The following RHD variants were observed in gnomAD, a reference collection of about 807,000 sequenced individuals.
RHD encodes blood group Rh(D) polypeptide.
RHD carries 16 observed loss-of-function variants against 45.5 expected under a neutral mutation model. That is an observed-to-expected ratio of 0.35 (90% CI 0.24 to 0.53). The LOEUF is 0.53. RHD is among the 20% of genes least tolerant of loss of function. The pLI, the probability that RHD is intolerant of heterozygous loss-of-function variation, is 0.92. For missense variants in RHD, 306 were observed against 532.0 expected, an observed-to-expected ratio of 0.58 and a Z score of 4.18; for synonymous variants, 131 against 217.5, an observed-to-expected ratio of 0.60 and a Z score of 3.50.
intron 3 of RHD, among the ~76,000 whole-genome samples, chr1:25,298,311 A>G (rs1386094948): frequency 3.3e-5 from 4 of 122,744 alleles, no homozygotes; most frequent in African/African-American, 1.1e-4. Context: ...CTTCATAACG[A>G]TTGCTTTAAA....
chr1:25,316,543 C>T (rs1209960814), intron 7 of RHD, among the ~76,000 whole-genome samples: 1 of 98,190 alleles, frequency 1.0e-5, no homozygotes, highest in African/African-American at 3.3e-5. Flanking sequence ...ACCTGGGGGA[C>T]AGAGGTTGCA....
intron 1 of RHD, among the ~76,000 whole-genome samples, chr1:25,277,416 T>G (rs1641104163): frequency 7.5e-6 from 1 of 133,306 alleles, no homozygotes; most frequent in Admixed American, 7.2e-5. Context: ...CCAGACCTAC[T>G]GATCAGAAGC....
chr1:25,311,574 CCAGAGGCTGTTCATCAGG>C lies in RHD; in HGVS notation c.1073+4846_1073+4863del, dbSNP rs571432820. On this transcript the variant is annotated intron_variant, in intron 7 of 9. Transcript: ENST00000328664. ...GAAAATTAGTACACATAGAACAAAG[CCAGAGGCTGTTCATCAGG>C]ACAAGGGAGAAAAACTCCAAAGCCA... 1.2e-3 allele frequency among the ~76,000 whole-genome samples: 162 copies of C among 130,206 alleles called. 23 individuals are homozygous for C. In the South Asian group the frequency reaches 0.036, roughly 29 times the overall value. 85.4% of individuals were successfully genotyped at this position (130,206 alleles called of 152,430 possible).
chr1:25,287,889 AT>A (rs1642180502), intron 2 of RHD, among the ~76,000 whole-genome samples: 1 of 126,228 alleles, frequency 7.9e-6, no homozygotes, highest in South Asian at 2.5e-4. Flanking sequence ...TGCCCTGCTA[AT>A]TTTTGTATTT....
intron 7 of RHD, among the ~76,000 whole-genome samples, chr1:25,312,058 G>A (rs1386570853): frequency 9.4e-6 from 1 of 106,612 alleles, no homozygotes; most frequent in East Asian, 2.1e-4. Flanking sequence ...CCTGTGCGAA[G>A]TGCAACATGG....
At position 25,313,916 on chromosome 1, in the gene RHD, T is replaced by C. The variant is rs933084847; in HGVS notation, c.1074-3084T>C. ...ATGCCAGATAGGCAAATAGAGAATC[T>C]AAGAAAAGATAGTTGGAACAAGTGT... is the stretch of plus-strand genomic sequence containing the variant. On this transcript the variant is annotated intron_variant, in intron 7 of 9. Coordinates refer to ENST00000328664, the MANE Select transcript of RHD (RefSeq NM_016124.6). Among the ~76,000 whole-genome samples the C allele has an allele frequency of 1.5e-5, 2 of 132,964 alleles. 1 individual carries two copies. Among genetic ancestry groups the C allele is most frequent in the Non-Finnish European group, 3.6e-5 (2 of 56,064 alleles). 87.2% of individuals were successfully genotyped at this position (132,964 alleles called of 152,430 possible).
At chr1:25,275,672 A>G (rs1214298579) in intron 1 of RHD, among the ~76,000 whole-genome samples, 4 of 133,622 alleles carry the variant, frequency 3.0e-5, no homozygotes, top group African/African-American at 5.1e-5. Flanking sequence ...AAAGAGATCA[A>G]AATGAAATAT....
chr1:25,315,498 TTTC>T (rs1224136605), intron 7 of RHD, among the ~76,000 whole-genome samples: 2 of 121,746 alleles, frequency 1.6e-5, no homozygotes, highest in African/African-American at 6.1e-5. Flanking sequence ...CTTTTCTTTC[TTTC>T]TTTTTTTTTT....
intron 3 of RHD, 40 bp from the exon 4 acceptor site, chr1:25,300,906 G>T: frequency 1.5e-6 from 2 of 1,369,450 alleles, no homozygotes; most frequent in South Asian, 2.4e-5. Flanking sequence ...CCCGGGCAGA[G>T]GATGCCGACA....
At chr1:25,300,910 G>A in intron 3 of RHD, 36 bp from the exon 4 acceptor site, 1 of 1,369,984 alleles carries the variant, frequency 7.3e-7, no homozygotes, top group Non-Finnish European at 1.0e-6. Flanking sequence ...GGCAGAGGAT[G>A]CCGACACTCA....
In RHD at chr1:25,300,972, C is replaced by T. The variant is rs1445804515; in HGVS notation, c.513C>T (p.His171=). Residue 171 remains histidine (H), a synonymous_variant, in exon 4 of 10, where the codon CAC becomes CAT. Transcript: ENST00000328664. ...FNTDYHMNMM[H]IYVFAAYFGL... is the part of the protein sequence containing the mutation. ...CAGACTACCACATGAACATGATGCA[C>T]ATCTACGTGTTCGCAGCCTATTTTG... 1.5e-6 allele frequency: 2 copies of T among 1,374,314 alleles called. No homozygotes were observed. Among genetic ancestry groups the T allele is most frequent in the Admixed American group, 1.8e-5 (1 of 56,064 alleles). The allele number at this position is 1,374,314 out of a possible 1,614,324, so 85.1% of individuals were successfully genotyped here.
chr1:25,311,720 TC>T lies in RHD; in HGVS notation c.1073+4992del, dbSNP rs1177512601. ...CTGCTGCCCAGGGCTGCCTTGGGTC[TC>T]TGCTCCCCACATTTCTGGTGCAGCA... is the stretch of plus-strand genomic sequence containing the variant. On this transcript the variant is annotated intron_variant, in intron 7 of 9. Coordinates refer to ENST00000328664, the MANE Select transcript of RHD (RefSeq NM_016124.6). 2.3e-5 allele frequency among the ~76,000 whole-genome samples: 3 copies of T among 128,810 alleles called. 1 individual carries two copies. The highest frequency in any genetic ancestry group is 1.8e-5 in the Non-Finnish European group (1 of 54,814). 84.5% of individuals were successfully genotyped at this position (128,810 alleles called of 152,430 possible).
chr1:25,314,281 C>G (rs1449975804), intron 7 of RHD, among the ~76,000 whole-genome samples: 2 of 132,678 alleles, frequency 1.5e-5, no homozygotes, highest in African/African-American at 5.1e-5. Context: ...ATTTAGCAAT[C>G]AAACCTATTG....
chr1:25,306,454 C>G (rs1349418616), intron 6 of RHD, 142 bp from the exon 7 acceptor site: 2 of 826,794 alleles, frequency 2.4e-6, no homozygotes, highest in East Asian at 4.8e-5. Flanking sequence ...AGTGCACATT[C>G]AAGTCTGAGA....
Position 25,315,795 on chromosome 1 carries a change from CTTAA to C in RHD, c.1074-1202_1074-1199del, listed in dbSNP as rs1487248856. 1.1e-4 allele frequency among the ~76,000 whole-genome samples: 14 copies of C among 130,920 alleles called. 4 individuals carry two copies. Among genetic ancestry groups the C allele is most frequent in the Admixed American group, 1.0e-3 (14 of 13,432 alleles). The allele number at this position is 130,920 out of a possible 152,430, so 85.9% of individuals were successfully genotyped here. On this transcript the variant is annotated intron_variant, in intron 7 of 9. Coordinates refer to ENST00000328664, the MANE Select transcript of RHD (RefSeq NM_016124.6). Reference sequence around the variant, plus strand: ...ACAGGTGTGAGCCACCACACCCGGCCTTAATTTATTTTTCTAGTCTGCAGGTAAT... The same window carrying C: ...ACAGGTGTGAGCCACCACACCCGGCCTTTATTTTTCTAGTCTGCAGGTAAT...
intron 3 of RHD, among the ~76,000 whole-genome samples, chr1:25,297,456 C>A (rs1643048181): frequency 9.1e-6 from 1 of 109,980 alleles, no homozygotes. Context: ...AGATAATTTC[C>A]TATAGAAATC....
Position 25,282,854 on chromosome 1 carries a change from C to T in RHD, c.149-1719C>T, listed in dbSNP as rs1473671248. Reference sequence around the variant, plus strand: ...AGGTTGCAGCGAGCCGAGATCGCACCACTGCACTCCAACCTGGGCAACAGA... The same window carrying T: ...AGGTTGCAGCGAGCCGAGATCGCACTACTGCACTCCAACCTGGGCAACAGA... On this transcript the variant is annotated intron_variant, in intron 1 of 9. Transcript: ENST00000328664. Among the ~76,000 whole-genome samples, 4 of 129,776 alleles carry T rather than the reference C, an allele frequency of 3.1e-5. 1 individual carries two copies. Among genetic ancestry groups the T allele is most frequent in the Non-Finnish European group, 7.3e-5 (4 of 54,878 alleles). 85.1% of individuals were successfully genotyped at this position (129,776 alleles called of 152,430 possible).
chr1:25,303,114 C>G (rs1643517627), intron 5 of RHD, among the ~76,000 whole-genome samples: 1 of 131,828 alleles, frequency 7.6e-6, no homozygotes, highest in Non-Finnish European at 1.8e-5. Flanking sequence ...GTAACTGTGC[C>G]CTGAGCCTAA....
intron 4 of RHD, 77 bp from the exon 5 acceptor site, chr1:25,301,443 C>T: frequency 8.0e-7 from 1 of 1,243,066 alleles, no homozygotes; most frequent in Non-Finnish European, 1.2e-6. Flanking sequence ...CCCTAGGATT[C>T]TCATCCAAAA....
Sources: allele counts gnomAD v4.1 joint callset (sites outside exome capture counted in the v4.1 genomes callset), GRCh38; gene constraint gnomAD v4.1.1; transcripts MANE v1.5; gene names NCBI Gene and HGNC (gene_info 2026-07-23, HGNC 2026-07-21).